The following LRP1B variants were observed in gnomAD, a reference collection of about 807,000 sequenced individuals.
LRP1B encodes LDL receptor related protein 1B.
A neutral mutation model predicts 556.6 loss-of-function variants in LRP1B; 217 were observed. That is an observed-to-expected ratio of 0.39 (90% CI 0.35 to 0.44). The LOEUF is 0.44. Ranked by LOEUF, LRP1B falls within the 20% of genes least tolerant of loss-of-function variation. The pLI is 1.00. For missense variants in LRP1B, 5,053 were observed against 5,620.8 expected, an observed-to-expected ratio of 0.90 and a Z score of 3.23; for synonymous variants, 2,047 against 1,865.8, an observed-to-expected ratio of 1.10 and a Z score of -2.50.
At chr2:140,969,621 A>G (rs1696346448) in intron 18 of LRP1B, among the ~76,000 whole-genome samples, 1 of 152,108 alleles carries the variant, frequency 6.6e-6, no homozygotes. Context: ...CCTAGCATCG[A>G]TGGTCTTTAC....
At chr2:142,114,171 T>A (rs1432108711) in intron 1 of LRP1B, among the ~76,000 whole-genome samples, 4 of 152,140 alleles carry the variant, frequency 2.6e-5, no homozygotes. Context: ...TGCTTATGCT[T>A]CTTTTTAAGT....
At chr2:141,461,138 AAGGAC>A (rs1269707974) in intron 3 of LRP1B, among the ~76,000 whole-genome samples, 4 of 152,144 alleles carry the variant, frequency 2.6e-5, no homozygotes, top group Admixed American at 6.6e-5. Flanking sequence ...GAACTCAGCT[AAGGAC>A]AGAGCCTGCA....
chr2:141,482,393 G>T lies in LRP1B; in HGVS notation c.206-1860C>A, dbSNP rs966810467. 7.2e-5 allele frequency among the ~76,000 whole-genome samples: 11 copies of T among 152,028 alleles called. No individual in the cohort carries two copies. The East Asian group carries it at 2.1e-3, about 29-fold the overall frequency. ...ATTTATGTAATTACTACTGTACAAG[G>T]CTATTAAATGTCAAACACCTGTCAC... On this transcript the variant is annotated intron_variant, in intron 2 of 90. Transcript: ENST00000389484.
chr2:141,779,451 G>A (rs1418592072), intron 2 of LRP1B, among the ~76,000 whole-genome samples: 2 of 128,268 alleles, frequency 1.6e-5, no homozygotes, highest in African/African-American at 3.0e-5. Flanking sequence ...ACAGGGTTTC[G>A]CTTTTCTGTC....
intron 1 of LRP1B, among the ~76,000 whole-genome samples, chr2:141,922,967 T>G (rs1324542383): frequency 6.6e-6 from 1 of 151,894 alleles, no homozygotes; most frequent in African/African-American, 2.4e-5. Context: ...GGCGTAGTGG[T>G]GCATGCCTAT....
At chr2:141,953,670 A>G (rs1328209443) in intron 1 of LRP1B, among the ~76,000 whole-genome samples, 2 of 152,088 alleles carry the variant, frequency 1.3e-5, no homozygotes, top group Non-Finnish European at 2.9e-5. Context: ...TTAACCAAGG[A>G]AGACTGGCAG....
chr2:141,625,258 C>A (rs1345235437), intron 2 of LRP1B, among the ~76,000 whole-genome samples: 1 of 151,952 alleles, frequency 6.6e-6, no homozygotes, highest in African/African-American at 2.4e-5. Context: ...CATGATTCAG[C>A]AAAAATGTAT....
At chr2:141,549,294 A>G (rs1230283132) in intron 2 of LRP1B, among the ~76,000 whole-genome samples, 1 of 152,162 alleles carries the variant, frequency 6.6e-6, no homozygotes, top group Non-Finnish European at 1.5e-5. Flanking sequence ...GACATTGCAC[A>G]TAAGGCCTTT....
chr2:140,485,849 A>G (rs1336313742), intron 58 of LRP1B, among the ~76,000 whole-genome samples: 8 of 128,474 alleles, frequency 6.2e-5, no homozygotes, highest in African/African-American at 2.4e-4. Context: ...ACGCACATAC[A>G]CACACACACA....
chr2:140,640,383 C>CTTTTTTTTTTTTTTTT lies in LRP1B; in HGVS notation c.6800-38760_6800-38745dup, dbSNP rs70988414. Among the ~76,000 whole-genome samples the CTTTTTTTTTTTTTTTT allele has an allele frequency of 1.0e-4, 5 of 48,498 alleles. 1 individual carries two copies. Among genetic ancestry groups the CTTTTTTTTTTTTTTTT allele is most frequent in the African/African-American group, 2.6e-4 (3 of 11,738 alleles). The allele number at this position is 48,498 out of a possible 152,430, so 31.8% of individuals were successfully genotyped here. A position where few individuals can be genotyped will look rare whatever the true frequency, so the allele number is the denominator to read the frequency against. ...ATCCACTATTCCCTTGTCCTGTTTT[C>CTTTTTTTTTTTTTTTT]TTTTTTTTTTTTTTTTTTTTTTTTT... On this transcript the variant is annotated intron_variant, in intron 41 of 90. Coordinates refer to ENST00000389484, the MANE Select transcript of LRP1B (RefSeq NM_018557.3).
chr2:140,861,894 T>TGC lies in LRP1B; in HGVS notation c.4579+5694_4579+5695dup, dbSNP rs1692807525. ...AAACTGTTCCTTTTGTGTGTGTGTG[T>TGC]GCGCATGCACACGCTTTCTCTTTTT... On this transcript the variant is annotated intron_variant, in intron 27 of 90. Transcript: ENST00000389484. 6.6e-5 allele frequency among the ~76,000 whole-genome samples: 10 copies of TGC among 152,376 alleles called. No homozygotes were observed. In the South Asian group the frequency reaches 2.1e-3, roughly 32 times the overall value.
At chr2:140,309,844 C>T (rs1684219426) in intron 83 of LRP1B, among the ~76,000 whole-genome samples, 1 of 151,678 alleles carries the variant, frequency 6.6e-6, no homozygotes, top group Admixed American at 6.6e-5. Context: ...AGTTGTATAT[C>T]CTGTTCTTTT....
At chr2:140,543,031 G>C (rs1483086887) in intron 43 of LRP1B, among the ~76,000 whole-genome samples, 1 of 152,058 alleles carries the variant, frequency 6.6e-6, no homozygotes, top group African/African-American at 2.4e-5. Flanking sequence ...TACTCCGCAG[G>C]GTCTGCCTTA....
intron 6 of LRP1B, among the ~76,000 whole-genome samples, chr2:141,192,160 G>T (rs1373915752): frequency 6.6e-6 from 1 of 151,836 alleles, no homozygotes; most frequent in Admixed American, 6.6e-5. Context: ...AATTTAATTT[G>T]TATTAGAATT....
Position 141,170,217 on chromosome 2 carries a change from C to A in LRP1B, c.1013+18204G>T, listed in dbSNP as rs576596840. ...AACTGAAGAAGCATTTTGTATTGTG[C>A]GAGAGAGTCAGCTAGTCCTTACTTT... is the stretch of plus-strand genomic sequence containing the variant. On this transcript the variant is annotated intron_variant, in intron 7 of 90. Coordinates refer to ENST00000389484, the MANE Select transcript of LRP1B (RefSeq NM_018557.3). 2.6e-5 allele frequency among the ~76,000 whole-genome samples: 4 copies of A among 152,134 alleles called. No homozygotes were observed. In the East Asian group the frequency reaches 7.8e-4, roughly 30 times the overall value.
At chr2:141,006,843 T>A (rs2105375836) in intron 14 of LRP1B, among the ~76,000 whole-genome samples, 1 of 151,992 alleles carries the variant, frequency 6.6e-6, no homozygotes, top group African/African-American at 2.4e-5. Flanking sequence ...TCTAAACATA[T>A]AAAAGTTACA....
At chr2:140,677,043 G>T (rs1685695066) in intron 41 of LRP1B, among the ~76,000 whole-genome samples, 1 of 152,166 alleles carries the variant, frequency 6.6e-6, no homozygotes, top group Admixed American at 6.5e-5. Flanking sequence ...ACTTCTTAGG[G>T]AAGAAAAGCA....
intron 1 of LRP1B, among the ~76,000 whole-genome samples, chr2:142,003,984 C>T (rs1473080135): frequency 6.6e-6 from 1 of 152,124 alleles, no homozygotes; most frequent in African/African-American, 2.4e-5. Context: ...ACAAAGACTC[C>T]ATGAAATAGT....
At chr2:142,017,892 T>C (rs1442679235) in intron 1 of LRP1B, among the ~76,000 whole-genome samples, 3 of 151,922 alleles carry the variant, frequency 2.0e-5, no homozygotes. Context: ...AAAAAGTTTT[T>C]GTAAATTGTT....
Sources: allele counts gnomAD v4.1 joint callset (sites outside exome capture counted in the v4.1 genomes callset), GRCh38; gene constraint gnomAD v4.1.1; transcripts MANE v1.5; gene names NCBI Gene and HGNC (gene_info 2026-07-23, HGNC 2026-07-21).